ATF7IP2: variants seen among roughly 807,000 people sequenced by gnomAD.
The protein encoded by ATF7IP2 is activating transcription factor 7-interacting protein 2.
In ATF7IP2, 42 loss-of-function variants were observed where a neutral mutation model predicts 64.2. That is an observed-to-expected ratio of 0.65 (90% confidence interval 0.51 to 0.85). The LOEUF (loss-of-function observed/expected upper bound fraction) is 0.85. ATF7IP2 is among the 40% of genes least tolerant of loss of function. The probability of loss-of-function intolerance (pLI) is 0.00; values close to 1 mark genes in which losing one functional copy is unlikely to be tolerated. For missense variants in ATF7IP2, 933 were observed against 784.2 expected (o/e 1.19, Z -2.27); for synonymous variants, 308 against 272.8 (o/e 1.13, Z -1.27).
chr16:10,466,277 C>T (rs924996364), intron 9 of ATF7IP2, among the ~76,000 whole-genome samples: 1 of 152,200 alleles, frequency 6.6e-6, no homozygotes, highest in Non-Finnish European at 1.5e-5. Flanking sequence ...TAGTTCAGTT[C>T]ATTGCCATTT....
chr16:10,437,970 T>A (rs1218284277), intron 6 of ATF7IP2, 131 bp from the exon 7 acceptor site: 2 of 631,838 alleles, frequency 3.2e-6, no homozygotes, highest in East Asian at 3.5e-5. Flanking sequence ...TATATAAACA[T>A]ACAAATATAA....
chr16:10,456,503 T>C (rs545983712), intron 8 of ATF7IP2, among the ~76,000 whole-genome samples: 10 of 133,218 alleles, frequency 7.5e-5, no homozygotes, highest in Non-Finnish European at 1.3e-4. Flanking sequence ...CCTCTTCTTT[T>C]AAGCTGCAGT....
chr16:10,390,097 A>C (rs2047291970), intron 1 of ATF7IP2, among the ~76,000 whole-genome samples: 2 of 152,258 alleles, frequency 1.3e-5, no homozygotes, highest in East Asian at 1.9e-4. Flanking sequence ...TCAGTTCAGT[A>C]GTTTTTTTTA....
intron 3 of ATF7IP2, among the ~76,000 whole-genome samples, chr16:10,424,798 A>T (rs1412477980): frequency 6.6e-6 from 1 of 152,220 alleles, no homozygotes; most frequent in Non-Finnish European, 1.5e-5. Context: ...GCACTACATC[A>T]GTTGAAACAG....
chr16:10,463,954 C>A (rs535154085), intron 9 of ATF7IP2, among the ~76,000 whole-genome samples: 21 of 152,216 alleles, frequency 1.4e-4, no homozygotes, highest in African/African-American at 5.1e-4. Context: ...CTTGGCTCCT[C>A]AATACCAGCC....
chr16:10,443,942 GC>G (rs908401348), intron 8 of ATF7IP2, among the ~76,000 whole-genome samples: 59 of 152,288 alleles, frequency 3.9e-4, no homozygotes, highest in African/African-American at 1.4e-3. Context: ...TGAAAGTCCA[GC>G]CTTGGTACTG....
At chr16:10,468,983 C>G (rs897886435) in intron 9 of ATF7IP2, among the ~76,000 whole-genome samples, 2 of 152,182 alleles carry the variant, frequency 1.3e-5, no homozygotes, top group African/African-American at 4.8e-5. Context: ...AAGCAAGCTT[C>G]AAAGGAATCA....
At chr16:10,400,298 C>T (rs1238090339) in intron 1 of ATF7IP2, among the ~76,000 whole-genome samples, 1 of 152,224 alleles carries the variant, frequency 6.6e-6, no homozygotes, top group Non-Finnish European at 1.5e-5. Flanking sequence ...GCCTTGGCCT[C>T]CCAAAGTGTT....
At chr16:10,475,722 G>GAAAAAAAAAAAAAAAAAAAAAAAAAA (rs386384218) in intron 12 of ATF7IP2, among the ~76,000 whole-genome samples, 1 of 41,644 alleles carries the variant, frequency 2.4e-5, no homozygotes, top group African/African-American at 1.2e-4. Flanking sequence ...TAAGAAGCCA[G>GAAAAAAAAAAAAAAAAAAAAAAAAAA]AAAAAAAAAA....
intron 1 of ATF7IP2, among the ~76,000 whole-genome samples, chr16:10,407,655 A>G (rs1356158315): frequency 1.3e-5 from 2 of 152,070 alleles, no homozygotes; most frequent in African/African-American, 2.4e-5. Context: ...AAAATTTTTT[A>G]TTTCTGTAGG....
At position 10,480,744 on chromosome 16, in the gene ATF7IP2, T is replaced by C. The variant is rs1221727016; in HGVS notation, c.1550-135T>C. The C allele has an allele frequency of 4.3e-6, 3 of 704,654 alleles. No individual in the cohort carries two copies. In the African/African-American group the frequency reaches 5.4e-5, roughly 13 times the overall value. 43.7% of individuals were successfully genotyped at this position (704,654 alleles called of 1,614,324 possible). On this transcript the variant is annotated intron_variant, in intron 12 of 13. Transcript: ENST00000562102. Reference sequence around the variant, plus strand: ...CTGTATCTTGAACTTTAATTAAAAGTGTATCTTCATAATTCACAGTTTTAT... The same window carrying C: ...CTGTATCTTGAACTTTAATTAAAAGCGTATCTTCATAATTCACAGTTTTAT...
At chr16:10,432,716 A>G (rs2048297367) in intron 5 of ATF7IP2, among the ~76,000 whole-genome samples, 1 of 152,138 alleles carries the variant, frequency 6.6e-6, no homozygotes. Flanking sequence ...TAAAAATACA[A>G]AAAAAATTAG....
chr16:10,429,740 TTTTA>T (rs1455033440), intron 4 of ATF7IP2, among the ~76,000 whole-genome samples: 9 of 145,012 alleles, frequency 6.2e-5, no homozygotes, highest in South Asian at 4.2e-4. Context: ...ATTTATTTTA[TTTTA>T]TTTATTTTAT....
intron 3 of ATF7IP2, among the ~76,000 whole-genome samples, chr16:10,424,932 C>G (rs950564348): frequency 1.3e-5 from 2 of 152,052 alleles, no homozygotes; most frequent in African/African-American, 4.8e-5. Flanking sequence ...TCTGGTAGTT[C>G]CTCAGAAGGT....
intron 1 of ATF7IP2, among the ~76,000 whole-genome samples, chr16:10,405,826 T>G (rs143664703): frequency 1.1e-4 from 17 of 152,324 alleles, no homozygotes; most frequent in African/African-American, 4.1e-4. Flanking sequence ...AGCTGCCAAC[T>G]CTGTCCTTAA....
intron 12 of ATF7IP2, among the ~76,000 whole-genome samples, chr16:10,480,069 A>C (rs944425862): frequency 4.3e-5 from 6 of 140,042 alleles, no homozygotes; most frequent in African/African-American, 8.0e-5. Context: ...GCTCACTTCA[A>C]CCTCCACCTC....
intron 2 of ATF7IP2, among the ~76,000 whole-genome samples, chr16:10,416,054 A>C (rs1318501741): frequency 6.6e-6 from 1 of 152,206 alleles, no homozygotes; most frequent in African/African-American, 2.4e-5. Context: ...TTCCTTAAAA[A>C]ACTAAAAATA....
rs147052047 is a variant in ATF7IP2, at chr16:10,479,709, C to T, written c.1550-1170C>T. Among the ~76,000 whole-genome samples the T allele has an allele frequency of 3.0e-3, 457 of 151,186 alleles. 4 individuals carry two copies. Among genetic ancestry groups the T allele is most frequent in the Middle Eastern group, 0.014 (4 of 292 alleles). On this transcript the variant is annotated intron_variant, in intron 12 of 13. Coordinates refer to ENST00000562102, the MANE Select transcript of ATF7IP2 (RefSeq NM_001393719.1). ...TGAGCAGACATTTCTCAAAAGAAGACGTACATTTGGCCAACAAACATGAAA... is the reference window on the plus strand; with the variant it reads ...TGAGCAGACATTTCTCAAAAGAAGATGTACATTTGGCCAACAAACATGAAA...
At position 10,438,003 on chromosome 16, in the gene ATF7IP2, C is replaced by T. The variant is rs1209765531; in HGVS notation, c.961-98C>T. 9.2e-6 allele frequency: 8 copies of T among 872,882 alleles called. No individual in the cohort carries two copies. In the East Asian group the frequency reaches 2.1e-4, roughly 23 times the overall value. The allele number at this position is 872,882 out of a possible 1,614,324, so 54.1% of individuals were successfully genotyped here. A position where few individuals can be genotyped will look rare whatever the true frequency, so the allele number is the denominator to read the frequency against. On this transcript the variant is annotated intron_variant, in intron 6 of 13. Coordinates refer to ENST00000562102, the MANE Select transcript of ATF7IP2 (RefSeq NM_001393719.1). ...TAAATAAACTATATTTAATTGGTTA[C>T]AGTAAATCTGGAAAAGAGCAAGGCT...
Sources: allele counts gnomAD v4.1 joint callset (sites outside exome capture counted in the v4.1 genomes callset), GRCh38; gene constraint gnomAD v4.1.1; transcripts MANE v1.5; gene names NCBI Gene and HGNC (gene_info 2026-07-23, HGNC 2026-07-21).